DISC1: variants seen among roughly 807,000 people sequenced by gnomAD.
The protein encoded by DISC1 is disrupted in schizophrenia 1 protein.
In DISC1, 57 loss-of-function variants were observed where a neutral mutation model predicts 84.5. The ratio of observed to expected loss-of-function variants is 0.67; its 90% confidence interval spans 0.55 to 0.84. The LOEUF (loss-of-function observed/expected upper bound fraction) is 0.84, where lower values mean the gene tolerates loss of function less well. DISC1 is among the 40% of genes least tolerant of loss of function. The pLI, the probability that DISC1 is intolerant of heterozygous loss-of-function variation, is 0.00. For synonymous variants in DISC1, 411 were observed against 415.2 expected, an observed-to-expected ratio of 0.99 and a Z score of 0.12; for missense variants, 1,000 against 1,057.8, an observed-to-expected ratio of 0.95 and a Z score of 0.76.
chr1:231,847,055 C>T (rs992526547), intron 9 of DISC1, among the ~76,000 whole-genome samples: 3 of 152,216 alleles, frequency 2.0e-5, no homozygotes, highest in Non-Finnish European at 4.4e-5. Flanking sequence ...CCTACTGCCA[C>T]AGAAAACCAC....
intron 10 of DISC1, among the ~76,000 whole-genome samples, chr1:231,972,250 G>A (rs903796983): frequency 2.0e-5 from 3 of 152,170 alleles, no homozygotes; most frequent in African/African-American, 7.2e-5. Flanking sequence ...GGTTGCTTTG[G>A]CATAAGTGTG....
chr1:231,793,995 G>A (rs977334078), intron 6 of DISC1, among the ~76,000 whole-genome samples: 4 of 151,878 alleles, frequency 2.6e-5, no homozygotes, highest in African/African-American at 7.3e-5. Context: ...TGTTGGCCAC[G>A]CTGCTCGCGA....
chr1:232,018,366 T>A (rs16856199), intron 11 of DISC1, among the ~76,000 whole-genome samples: 14,880 of 152,238 alleles, frequency 0.098, 1,853 homozygotes, highest in African/African-American at 0.29. Flanking sequence ...GAACTATAAC[T>A]GAGTAAAAAT....
chr1:232,025,501 C>A (rs1669361400), intron 11 of DISC1, among the ~76,000 whole-genome samples: 2 of 151,924 alleles, frequency 1.3e-5, no homozygotes, highest in Non-Finnish European at 2.9e-5. Flanking sequence ...CTTAATTGTT[C>A]ATTCATCAAA....
intron 9 of DISC1, among the ~76,000 whole-genome samples, chr1:231,847,193 T>C (rs1386195792): frequency 2.6e-5 from 4 of 151,974 alleles, no homozygotes; most frequent in African/African-American, 9.7e-5. Context: ...ATGGCTGTCT[T>C]CTCCCTGCGT....
intron 9 of DISC1, among the ~76,000 whole-genome samples, chr1:231,907,147 T>TCCTTCCTTCC (rs1181451294): frequency 1.5e-5 from 2 of 136,528 alleles, no homozygotes; most frequent in African/African-American, 5.7e-5. Flanking sequence ...CTTTCTTTCT[T>TCCTTCCTTCC]TCTTTCTTTC....
chr1:231,677,475 G>A (rs2063269349), intron 1 of DISC1, among the ~76,000 whole-genome samples: 1 of 152,220 alleles, frequency 6.6e-6, no homozygotes, highest in South Asian at 2.1e-4. Flanking sequence ...CTCGGGGAAA[G>A]ACACTAAAAT....
chr1:231,641,584 G>A (rs777462425), intron 1 of DISC1, among the ~76,000 whole-genome samples: 4 of 152,204 alleles, frequency 2.6e-5, no homozygotes, highest in African/African-American at 9.6e-5. Flanking sequence ...GGACCGGAGA[G>A]GGTTGCCGCT....
chr1:231,786,618 A>C (rs1270501268), intron 6 of DISC1, among the ~76,000 whole-genome samples: 1 of 152,308 alleles, frequency 6.6e-6, no homozygotes, highest in East Asian at 1.9e-4. Flanking sequence ...TTAGGATATA[A>C]TATTAAAGGG....
intron 9 of DISC1, among the ~76,000 whole-genome samples, chr1:231,957,361 A>C (rs1313308636): frequency 6.6e-6 from 1 of 151,020 alleles, no homozygotes; most frequent in Admixed American, 6.6e-5. Context: ...GCCCCTTTTC[A>C]CTTGCTGTCT....
chr1:231,732,062 G>A (rs2071588780), intron 3 of DISC1, among the ~76,000 whole-genome samples: 2 of 152,158 alleles, frequency 1.3e-5, no homozygotes, highest in Non-Finnish European at 1.5e-5. Flanking sequence ...TGACCCTATA[G>A]TGTGAATACC....
chr1:231,771,201 G>T, intron 6 of DISC1, 131 bp downstream of exon 6: 1 of 1,452,070 alleles, frequency 6.9e-7, no homozygotes, highest in Non-Finnish European at 9.1e-7. Flanking sequence ...AAGCACCATT[G>T]GTGTTTTGGG....
chr1:232,018,750 C>G (rs1373671161), intron 11 of DISC1, among the ~76,000 whole-genome samples: 1 of 152,098 alleles, frequency 6.6e-6, no homozygotes, highest in African/African-American at 2.4e-5. Context: ...GGAGGGACAG[C>G]AGGGAAGATG....
At chr1:231,838,869 T>C (rs139186636) in intron 9 of DISC1, among the ~76,000 whole-genome samples, 24 of 152,300 alleles carry the variant, frequency 1.6e-4, no homozygotes, top group African/African-American at 5.1e-4. Flanking sequence ...CTACAACACA[T>C]GTTGAGCGCC....
intron 1 of DISC1, among the ~76,000 whole-genome samples, chr1:231,644,702 G>T (rs1180208377): frequency 6.6e-6 from 1 of 152,164 alleles, no homozygotes; most frequent in African/African-American, 2.4e-5. Context: ...GAGCATTAAT[G>T]ATGGGTGTCT....
At chr1:231,691,429 C>CAAA (rs373818345) in intron 1 of DISC1, among the ~76,000 whole-genome samples, 2 of 140,120 alleles carry the variant, frequency 1.4e-5, no homozygotes, top group East Asian at 4.1e-4. Context: ...GAGACTGTCT[C>CAAA]AAAAAAAAAA....
At chr1:232,006,116 T>A (rs114962237) in intron 10 of DISC1, among the ~76,000 whole-genome samples, 19 of 152,282 alleles carry the variant, frequency 1.2e-4, no homozygotes, top group Non-Finnish European at 2.6e-4. Context: ...GTTGTCATGG[T>A]TTATATCATC....
At chr1:232,015,172 G>A (rs1295901870) in intron 11 of DISC1, among the ~76,000 whole-genome samples, 1 of 152,096 alleles carries the variant, frequency 6.6e-6, no homozygotes, top group East Asian at 1.9e-4. Context: ...TCATCAGCTT[G>A]TCAGCCTCCT....
intron 3 of DISC1, among the ~76,000 whole-genome samples, chr1:231,721,518 T>G (rs1013297166): frequency 2.0e-5 from 3 of 152,198 alleles, no homozygotes; most frequent in Non-Finnish European, 4.4e-5. Context: ...TTATTTTTCT[T>G]AAAGACCTTA....
Sources: gnomAD v4.1 joint callset for allele counts (sites outside exome capture counted in the v4.1 genomes callset) on GRCh38, gnomAD v4.1.1 for gene constraint, MANE v1.5 for transcripts, NCBI Gene and HGNC (gene_info 2026-07-23, HGNC 2026-07-21) for gene names.